The following BCORL1 variants were observed in gnomAD, a reference collection of about 807,000 sequenced individuals.
BCORL1 encodes the protein BCL6 corepressor like 1.
BCORL1 carries 7 observed loss-of-function variants against 87.6 expected under a neutral mutation model. The observed-to-expected ratio is 0.08, with a 90% confidence interval of 0.05 to 0.15. BCORL1 has a LOEUF of 0.15. Among genes scored for constraint, BCORL1 ranks in the 10% least tolerant of loss-of-function variants. The pLI is 1.00. For missense variants in BCORL1, 1,215 were observed against 1,499.7 expected, an observed-to-expected ratio of 0.81 and a Z score of 3.13; for synonymous variants, 591 against 634.4, an observed-to-expected ratio of 0.93 and a Z score of 1.03.
chrX:130,015,420 G>A lies in BCORL1; in HGVS notation c.2648G>A (p.Gly883Glu), dbSNP rs138477961. Residue 883 changes from glycine (G) to glutamate (E), a missense_variant, in exon 4 of 14, where the codon GGA becomes GAA. Gly to Glu is a moderately conservative substitution (Grantham distance 98, BLOSUM62 -2). Around this residue, in one of 5 missense-constraint regions of BCORL1, gnomAD observed 861 missense variants for 1,010.0 expected, o/e 0.85. Transcript: ENST00000540052. Reference protein sequence around the residue: ...PSLSSSEAVHGLPEGQPRPGG... With the variant: ...PSLSSSEAVHELPEGQPRPGG... ...CTCAGCTCCAGCGAAGCCGTGCACG[G>A]ACTTCCTGAGGGGCAACCACGGCCT... 871 of 1,211,079 alleles carry A rather than the reference G, an allele frequency of 7.2e-4. No individual in the cohort carries two copies. The highest frequency in any genetic ancestry group is 9.4e-4 in the Non-Finnish European group (842 of 895,433).
rs1263051697 is a variant in BCORL1, at chrX:130,056,029, G to A, written c.5251G>A (p.Asp1751Asn). 1.1e-5 allele frequency: 13 copies of A among 1,210,687 alleles called. No individual in the cohort carries two copies. The East Asian group carries it at 2.4e-4, about 22-fold the overall frequency. ...TPAERPGGLD[D>N]RSPPGSSETV... Reference sequence around the variant, plus strand: ...TGCCGAGAGGCCTGGAGGCTTGGACGACAGATCCCCCCCAGGCTCCTCTGA... The same window carrying A: ...TGCCGAGAGGCCTGGAGGCTTGGACAACAGATCCCCCCCAGGCTCCTCTGA... The change falls in exon 14 of 14, where the codon GAC (aspartate) becomes AAC (asparagine). Residue 1751 changes from aspartate to asparagine, a missense_variant. Coordinates refer to ENST00000540052, the MANE Select transcript of BCORL1 (RefSeq NM_001379451.1).
intron 4 of BCORL1, 38 bp downstream of exon 4, chrX:130,016,251 G>T (rs955993861): frequency 1.2e-5 from 14 of 1,152,644 alleles, no homozygotes; most frequent in Non-Finnish European, 1.6e-5. Context: ...GGGCCGAGAT[G>T]CCGCTGGTCT....
At chrX:129,992,089 C>A (rs1359751992) in intron 1 of BCORL1, among the ~76,000 whole-genome samples, 3 of 110,302 alleles carry the variant, frequency 2.7e-5, no homozygotes, top group African/African-American at 9.9e-5. Flanking sequence ...CCCACTTCAT[C>A]CTCCCAAGTA....
rs1336654568 is a variant in BCORL1 at position 130,028,709 on chromosome X, T to A, written c.4153T>A (p.Leu1385Met). 5 of 1,211,032 alleles carry A rather than the reference T, an allele frequency of 4.1e-6. No individual in the cohort carries two copies. The highest frequency in any genetic ancestry group is 5.6e-6 in the Non-Finnish European group (5 of 895,260). The change falls in exon 8 of 14, where the codon TTG becomes ATG. Residue 1385 changes from leucine to methionine, a missense_variant. Physicochemically the swap from Leu to Met is conservative, Grantham distance 15 (BLOSUM62 2). This residue lies in a region of BCORL1 where 166 missense variants were observed against 196.5 expected (regional missense o/e 0.84). Transcript: ENST00000540052. ...EHRLRNRNLL[L>M]PNKVQGISDS... ...CCGCCTCAGGAACAGGAACCTTCTC[T>A]TGCCCAACAAAGTCCAGGGGATCTC...
intron 12 of BCORL1, among the ~76,000 whole-genome samples, chrX:130,051,239 C>A (rs746931435): frequency 1.2e-4 from 14 of 112,778 alleles, no homozygotes; most frequent in Non-Finnish European, 2.1e-4. Context: ...AGCCCTTAGC[C>A]TTCTGGCCGC....
At chrX:130,024,846 C>T (rs1930128627) in intron 6 of BCORL1, 144 bp from the exon 7 acceptor site, 1 of 892,625 alleles carries the variant, frequency 1.1e-6, no homozygotes, top group Non-Finnish European at 1.6e-6. Flanking sequence ...ACTGAAGGAA[C>T]TTTCCCGAAC....
chrX:130,017,509 G>GAAAC (rs1929524658), intron 4 of BCORL1, among the ~76,000 whole-genome samples: 1 of 111,449 alleles, frequency 9.0e-6, no homozygotes, highest in East Asian at 2.8e-4. Flanking sequence ...GAAAATAAAT[G>GAAAC]AAACAGAGGC....
At chrX:130,053,945 T>C (rs1288833991) in intron 13 of BCORL1, among the ~76,000 whole-genome samples, 1 of 112,013 alleles carries the variant, frequency 8.9e-6, no homozygotes, top group Non-Finnish European at 1.9e-5. Context: ...TCATGTGAGA[T>C]AAGAGCTTGC....
At chrX:130,025,462 C>A in intron 7 of BCORL1, 83 bp downstream of exon 7, 1 of 921,414 alleles carries the variant, frequency 1.1e-6, no homozygotes, top group Non-Finnish European at 1.5e-6. Context: ...CAGCCAAAGG[C>A]TTCGGGACCC....
In BCORL1 at chrX:130,010,990, C is replaced by T. The variant is rs771879165; in HGVS notation, c.87-1588C>T. Among the ~76,000 whole-genome samples the T allele has an allele frequency of 4.9e-4, 33 of 67,662 alleles. No homozygotes were observed. The South Asian group carries it at 6.4e-3, about 13-fold the overall frequency. The allele number at this position is 67,662 out of a possible 115,157, so 58.8% of individuals were successfully genotyped here. On this transcript the variant is annotated intron_variant, in intron 2 of 13. Transcript: ENST00000540052. ...CTGCACTCCAGCCTGGGTGACAGAG[C>T]GAGATTCAATCTAAAAAAAAAAAAA...
chrX:130,050,786 C>T lies in BCORL1; in HGVS notation c.4910C>T (p.Ser1637Phe), dbSNP rs774402072. Residue 1637 changes from serine to phenylalanine, a missense_variant, in exon 12 of 14, where the codon TCT becomes TTT. By Grantham distance (155) the Ser-to-Phe change is radical. This residue lies in a region of BCORL1 where 129 missense variants were observed against 157.5 expected (regional missense o/e 0.82). Transcript: ENST00000540052. Reference protein sequence around the residue: ...PGVSWDFYSSSVLEEKDGFAC... With the variant: ...PGVSWDFYSSFVLEEKDGFAC... ...GTATCCTGGGATTTTTACAGCAGTT[C>T]TGTGTTGGGTAAGTTTTAAGTGAGA... 2 of 1,207,806 alleles carry T rather than the reference C, an allele frequency of 1.7e-6. No homozygotes were observed. The highest frequency in any genetic ancestry group is 3.5e-5 in the South Asian group (2 of 56,767).
At chrX:130,037,129 G>C (rs1200244878) in intron 9 of BCORL1, among the ~76,000 whole-genome samples, 6 of 110,800 alleles carry the variant, frequency 5.4e-5, no homozygotes, top group African/African-American at 1.6e-4. Flanking sequence ...CTGGGCAACA[G>C]AGTGAGACTG....
intron 11 of BCORL1, among the ~76,000 whole-genome samples, chrX:130,043,285 C>T (rs1474815234): frequency 9.0e-6 from 1 of 111,623 alleles, no homozygotes; most frequent in Non-Finnish European, 1.9e-5. Flanking sequence ...CTCCCTTGGC[C>T]TCCCAAAGTG....
rs1930826362 is a variant in BCORL1, at chrX:130,034,612, G to A, written c.4463G>A (p.Arg1488Gln). The A allele has an allele frequency of 1.0e-6, 1 of 981,259 alleles. No homozygotes were observed. Among genetic ancestry groups the A allele is most frequent in the Non-Finnish European group, 1.3e-6 (1 of 755,856 alleles). The allele number at this position is 981,259 out of a possible 1,213,427, so 80.9% of individuals were successfully genotyped here. Residue 1488 changes from arginine to glutamine, a missense_variant, in exon 9 of 14, where the codon CGG becomes CAG. By Grantham distance (43) the Arg-to-Gln change is conservative. Around this residue, in one of 5 missense-constraint regions of BCORL1, gnomAD observed 55 missense variants for 115.1 expected, o/e 0.48. Transcript: ENST00000540052. ...TARQIPPEAR[R>Q]LIVNKNAGET... ...CGGCAGATCCCCCCAGAGGCACGTC[G>A]GCTCATAGTGAACAAAAATGCTGGT...
chrX:129,984,977 C>T lies in BCORL1; in HGVS notation c.-45+2215C>T, dbSNP rs1226182007. 2.7e-5 allele frequency among the ~76,000 whole-genome samples: 3 copies of T among 111,241 alleles called. No homozygotes were observed. The East Asian group carries it at 8.5e-4, about 31-fold the overall frequency. ...TAGCCCAGGGTTTAGAGGCTCTTTA[C>T]GTTAGTGTGGGAAGGGGGCCCGGTA... is the stretch of plus-strand genomic sequence containing the variant. On this transcript the variant is annotated intron_variant, in intron 1 of 13. Coordinates refer to ENST00000540052, the MANE Select transcript of BCORL1 (RefSeq NM_001379451.1).
intron 7 of BCORL1, among the ~76,000 whole-genome samples, chrX:130,026,781 C>T (rs1930272428): frequency 8.8e-6 from 1 of 113,075 alleles, no homozygotes; most frequent in African/African-American, 3.2e-5. Context: ...GATTTGGGGG[C>T]AGCTCCAGTT....
chrX:130,050,848 C>G, intron 12 of BCORL1, 54 bp downstream of exon 12: 1 of 1,047,364 alleles, frequency 9.5e-7, no homozygotes, highest in African/African-American at 1.8e-5. Context: ...AGGAGTAGCC[C>G]TGTGGTGGTA....
intron 1 of BCORL1, among the ~76,000 whole-genome samples, chrX:129,986,949 C>A: frequency 9.0e-6 from 1 of 111,171 alleles, no homozygotes; most frequent in Non-Finnish European, 1.9e-5. Flanking sequence ...TTGAGAGAAA[C>A]AGAATTATGG....
In BCORL1 at chrX:130,012,592, C is replaced by T; in HGVS notation, c.101C>T (p.Ser34Phe). Residue 34 changes from serine to phenylalanine, a missense_variant, in exon 3 of 14, where the codon TCT becomes TTT. Coordinates refer to ENST00000540052, the MANE Select transcript of BCORL1 (RefSeq NM_001379451.1). The part of the protein sequence containing the change: ...GINEERRAPL[S>F]DEESTTGDCQ... ...TTCCATGCTAGAAGAGCACCTCTTT[C>T]TGATGAGGAGTCAACGACAGGCGAC... The T allele has an allele frequency of 8.3e-7, 1 of 1,210,444 alleles. No individual in the cohort carries two copies. Among genetic ancestry groups the T allele is most frequent in the South Asian group, 1.8e-5 (1 of 56,961 alleles).
Sources: gnomAD v4.1 joint callset for allele counts (sites outside exome capture counted in the v4.1 genomes callset) on GRCh38, gnomAD v4.1.1 for gene constraint, gnomAD v4.1.1 regional missense constraint, MANE v1.5 for transcripts, NCBI Gene and HGNC (gene_info 2026-07-23, HGNC 2026-07-21) for gene names.